Variants in TRPC3 observed in about 807,000 individuals in gnomAD.
TRPC3 encodes the protein short transient receptor potential channel 3.
TRPC3 carries 54 observed loss-of-function variants against 90.9 expected under a neutral mutation model. The ratio of observed to expected loss-of-function variants is 0.59; its 90% CI spans 0.48 to 0.75. The LOEUF (loss-of-function observed/expected upper bound fraction) is 0.75, where lower values mean the gene tolerates loss of function less well. Among genes scored for constraint, TRPC3 ranks in the 30% least tolerant of loss-of-function variants. TRPC3 has a pLI of 0.00. For missense variants in TRPC3, 918 were observed against 1,194.5 expected (o/e 0.77, Z 3.41); for synonymous variants, 424 against 450.9 (o/e 0.94, Z 0.75).
Position 121,932,223 on chromosome 4 carries a change from G to A in TRPC3, c.987+48C>T, listed in dbSNP as rs1212641664. The A allele has an allele frequency of 1.3e-6, 2 of 1,587,878 alleles. No individual in the cohort carries two copies. The highest frequency in any genetic ancestry group is 1.7e-6 in the Non-Finnish European group (2 of 1,164,432). On this transcript the variant is annotated intron_variant, in intron 2 of 11. Transcript: ENST00000379645. This position sits in a 1 kb window ranked among gnomAD's most constrained non-coding sequence, Gnocchi z 7.7. ...GCAGAGCAGGCCAGGCAGCAGCGGGGAAGTTGGGTGAGCACACAGAGCAGC... is the reference window on the plus strand; with the variant it reads ...GCAGAGCAGGCCAGGCAGCAGCGGGAAAGTTGGGTGAGCACACAGAGCAGC...
At chr4:121,938,967 C>A (rs533064018) in intron 1 of TRPC3, among the ~76,000 whole-genome samples, 2 of 152,210 alleles carry the variant, frequency 1.3e-5, no homozygotes, top group Non-Finnish European at 2.9e-5. Flanking sequence ...GCCTAGCCAA[C>A]CTTCCTTCCC....
At chr4:121,901,655 T>C (rs1427636345) in intron 9 of TRPC3, among the ~76,000 whole-genome samples, 3 of 152,236 alleles carry the variant, frequency 2.0e-5, no homozygotes, top group African/African-American at 7.2e-5. Flanking sequence ...TTTGTAGATC[T>C]CATGTAATCC....
At position 121,932,787 on chromosome 4, in the gene TRPC3, G is replaced by A. The variant is rs1729992871; in HGVS notation, c.471C>T (p.Asn157=). Residue 157 remains asparagine (N), a synonymous_variant, in exon 2 of 12, where the codon AAC becomes AAT. Coordinates refer to ENST00000379645, the MANE Select transcript of TRPC3 (RefSeq NM_001130698.2). The surrounding 1 kb of genome is among the most constrained non-coding windows in gnomAD (Gnocchi z 7.7). ...GCAGCTCGGTCACCTCCAGGTGCTC[G>A]TTGCCCACAGCCAGCTGCAGCGCGT... ...GQNALQLAVG[N]EHLEVTELLL... The A allele has an allele frequency of 1.9e-6, 3 of 1,611,348 alleles. No individual in the cohort carries two copies. The highest frequency in any genetic ancestry group is 1.3e-5 in the African/African-American group (1 of 74,900).
At chr4:121,924,764 G>A (rs926914961) in intron 3 of TRPC3, among the ~76,000 whole-genome samples, 20 of 151,888 alleles carry the variant, frequency 1.3e-4, no homozygotes, top group South Asian at 4.2e-4. Flanking sequence ...GGTCTTGAAC[G>A]CCTGGCCTCA....
At chr4:121,944,819 T>C (rs1730433200) in intron 1 of TRPC3, among the ~76,000 whole-genome samples, 1 of 152,182 alleles carries the variant, frequency 6.6e-6, no homozygotes, top group Non-Finnish European at 1.5e-5. Flanking sequence ...AATTAATAGT[T>C]TCCTGTATTG....
chr4:121,947,142 C>G (rs192936530), intron 1 of TRPC3, among the ~76,000 whole-genome samples: 119 of 129,496 alleles, frequency 9.2e-4, no homozygotes, highest in Non-Finnish European at 1.1e-3. Flanking sequence ...ATGATTGCAC[C>G]AACTGCACTC....
intron 5 of TRPC3, among the ~76,000 whole-genome samples, chr4:121,911,139 T>C (rs1729071605): frequency 6.6e-6 from 1 of 152,218 alleles, no homozygotes; most frequent in Non-Finnish European, 1.5e-5. Context: ...TTACTTGACC[T>C]AGGCTGAGGC....
intron 4 of TRPC3, among the ~76,000 whole-genome samples, chr4:121,914,093 G>A (rs1220076749): frequency 6.6e-6 from 1 of 152,096 alleles, no homozygotes; most frequent in Non-Finnish European, 1.5e-5. Context: ...TCTTGCTAGG[G>A]GATCTCTTGG....
At chr4:121,921,894 G>A (rs750008941) in intron 3 of TRPC3, among the ~76,000 whole-genome samples, 3 of 150,100 alleles carry the variant, frequency 2.0e-5, no homozygotes, top group Non-Finnish European at 4.4e-5. Context: ...AACGAAGGAA[G>A]CCTTTGTTTT....
intron 3 of TRPC3, among the ~76,000 whole-genome samples, chr4:121,915,444 T>A (rs1578630211): frequency 6.6e-6 from 1 of 152,362 alleles, no homozygotes; most frequent in East Asian, 1.9e-4. Flanking sequence ...TGTGTAATTA[T>A]GTACTATTAC....
chr4:121,951,299 C>T lies in TRPC3; in HGVS notation c.215+167G>A, dbSNP rs1024428922. Among the ~76,000 whole-genome samples, 1 of 152,056 alleles carries T rather than the reference C, an allele frequency of 6.6e-6. No homozygotes were observed. Among genetic ancestry groups the T allele is most frequent in the African/African-American group, 2.4e-5 (1 of 41,428 alleles). On this transcript the variant is annotated intron_variant, in intron 1 of 11. Transcript: ENST00000379645. This position sits in a 1 kb window ranked among gnomAD's most constrained non-coding sequence, Gnocchi z 4.4. Reference sequence around the variant, plus strand: ...GCGCGGGACCGAGGGGGCGAGCCTCCGGCCGAGGTCTGTCCCCTCCAAATC... The same window carrying T: ...GCGCGGGACCGAGGGGGCGAGCCTCTGGCCGAGGTCTGTCCCCTCCAAATC...
intron 1 of TRPC3, among the ~76,000 whole-genome samples, chr4:121,936,420 G>A (rs1362494251): frequency 1.3e-5 from 2 of 152,322 alleles, no homozygotes; most frequent in Admixed American, 1.3e-4. Flanking sequence ...CACCGCGAGA[G>A]TGCATTCTGC....
At position 121,932,739 on chromosome 4, in the gene TRPC3, C is replaced by T. The variant is rs201407818; in HGVS notation, c.519G>A (p.Ala173=). 54 of 1,613,908 alleles carry T rather than the reference C, an allele frequency of 3.3e-5. No individual in the cohort carries two copies. The South Asian group carries it at 4.8e-4, about 14-fold the overall frequency. The change falls in exon 2 of 12, where the codon GCG becomes GCA. Residue 173 remains alanine (A), a synonymous_variant. Transcript: ENST00000379645. This position sits in a 1 kb window ranked among gnomAD's most constrained non-coding sequence, Gnocchi z 7.7. ...TELLLKKENL[A]RIGDALLLAI... ...CGAGCAGCAGGGCGTCGCCAATGCG[C>T]GCCAGGTTCTCCTTCTTGAGCAGCA...
intron 3 of TRPC3, among the ~76,000 whole-genome samples, chr4:121,918,292 C>T (rs891576599): frequency 6.6e-6 from 1 of 152,114 alleles, no homozygotes; most frequent in Non-Finnish European, 1.5e-5. Context: ...TCTTATAAGT[C>T]TCTCCATCTC....
chr4:121,908,596 AG>A (rs1293314480), intron 6 of TRPC3, among the ~76,000 whole-genome samples: 1 of 152,180 alleles, frequency 6.6e-6, no homozygotes, highest in East Asian at 1.9e-4. Context: ...ATGCAGCTGG[AG>A]GCCATTATCC....
At chr4:121,944,669 A>G (rs957694088) in intron 1 of TRPC3, among the ~76,000 whole-genome samples, 2 of 152,156 alleles carry the variant, frequency 1.3e-5, no homozygotes, top group Non-Finnish European at 2.9e-5. Context: ...CAGGGGGTCA[A>G]CTGTGCTTTG....
At chr4:121,898,702 G>A (rs1457500445) in intron 10 of TRPC3, among the ~76,000 whole-genome samples, 1 of 152,120 alleles carries the variant, frequency 6.6e-6, no homozygotes, top group Non-Finnish European at 1.5e-5. Context: ...AGAAATGATA[G>A]ATGTCTGAGA....
intron 9 of TRPC3, among the ~76,000 whole-genome samples, chr4:121,899,982 G>T (rs1042054752): frequency 1.3e-5 from 2 of 151,888 alleles, no homozygotes; most frequent in African/African-American, 4.8e-5. Context: ...TTTTCCCTGG[G>T]GACCTTGTAT....
chr4:121,924,986 A>G, intron 3 of TRPC3, 32 bp downstream of exon 3: 1 of 1,583,666 alleles, frequency 6.3e-7, no homozygotes, highest in Non-Finnish European at 8.6e-7. Flanking sequence ...GTTTATTCTA[A>G]TATGGCACTA....
Sources: gnomAD v4.1 joint callset for allele counts (sites outside exome capture counted in the v4.1 genomes callset) on GRCh38, gnomAD v4.1.1 for gene constraint, Gnocchi (gnomAD v3.1) non-coding constraint, MANE v1.5 for transcripts, NCBI Gene and HGNC (gene_info 2026-07-23, HGNC 2026-07-21) for gene names.